PDS5B: variants seen among roughly 807,000 people sequenced by gnomAD.
PDS5B encodes PDS5 cohesin associated factor B, also known as sister chromatid cohesion protein PDS5 homolog B.
PDS5B carries 51 observed loss-of-function variants against 184.1 expected under a neutral mutation model. The ratio of observed to expected loss-of-function variants is 0.28; its 90% CI spans 0.22 to 0.35. The LOEUF (loss-of-function observed/expected upper bound fraction) is 0.35, where lower values mean the gene tolerates loss of function less well. PDS5B is among the 10% of genes least tolerant of loss of function. The pLI is 1.00. For synonymous variants in PDS5B, 566 were observed against 569.2 expected, an observed-to-expected ratio of 0.99 and a Z score of 0.08; for missense variants, 1,180 against 1,723.3, an observed-to-expected ratio of 0.68 and a Z score of 5.58.
chr13:32,640,981 CG>C (rs1032915396), intron 1 of PDS5B, among the ~76,000 whole-genome samples: 29 of 149,354 alleles, frequency 1.9e-4, no homozygotes, highest in African/African-American at 7.2e-4. Context: ...GGCGTGAACC[CG>C]GGAGGCGGAG....
intron 6 of PDS5B, among the ~76,000 whole-genome samples, chr13:32,662,844 G>A (rs1950684809): frequency 6.6e-6 from 1 of 152,062 alleles, no homozygotes; most frequent in Admixed American, 6.5e-5. Flanking sequence ...ATAAGCAAAT[G>A]CTTGGAAAGC....
chr13:32,753,158 T>G (rs1954047131), intron 24 of PDS5B, among the ~76,000 whole-genome samples, 174 bp from the exon 25 acceptor site: 1 of 152,198 alleles, frequency 6.6e-6, no homozygotes. Flanking sequence ...AGATGAATAT[T>G]GCAGCTTCAA....
chr13:32,711,309 A>G (rs1336704120), intron 19 of PDS5B, among the ~76,000 whole-genome samples: 2 of 150,730 alleles, frequency 1.3e-5, no homozygotes, highest in African/African-American at 4.9e-5. Flanking sequence ...TTAAATGGTA[A>G]TAGAAACCTA....
chr13:32,616,669 T>C (rs1161127376), intron 1 of PDS5B, among the ~76,000 whole-genome samples: 1 of 152,202 alleles, frequency 6.6e-6, no homozygotes, highest in Admixed American at 6.5e-5. Flanking sequence ...GGAACCATGC[T>C]GAAGCCTTCT....
intron 1 of PDS5B, among the ~76,000 whole-genome samples, chr13:32,590,604 TCTAG>T (rs1159835220): frequency 8.5e-5 from 13 of 152,346 alleles, no homozygotes; most frequent in Admixed American, 7.8e-4. Context: ...ATTGTCTTTC[TCTAG>T]AAGAGGATGG....
chr13:32,629,060 A>C (rs2140564451), intron 1 of PDS5B, among the ~76,000 whole-genome samples: 1 of 152,352 alleles, frequency 6.6e-6, no homozygotes, highest in East Asian at 1.9e-4. Context: ...CATCTGACAG[A>C]TCACCGGTTT....
At chr13:32,677,751 A>G (rs1951111752) in intron 9 of PDS5B, among the ~76,000 whole-genome samples, 1 of 151,878 alleles carries the variant, frequency 6.6e-6, no homozygotes, top group Non-Finnish European at 1.5e-5. Context: ...TTATAATGCT[A>G]ACTTTAGTTT....
In PDS5B at chr13:32,754,827, T is replaced by G. The variant is rs1267010509; in HGVS notation, c.2942-1015T>G. On this transcript the variant is annotated intron_variant, in intron 25 of 34. Coordinates refer to ENST00000315596, the MANE Select transcript of PDS5B (RefSeq NM_015032.4). ...CAGTATGTGTTAGCCATTCTTATTT[T>G]GGTGCACCTTTCACATTGAAGTGTA... 2.6e-5 allele frequency among the ~76,000 whole-genome samples: 4 copies of G among 152,202 alleles called. No homozygotes were observed. In the East Asian group the frequency reaches 7.7e-4, roughly 29 times the overall value.
chr13:32,688,665 A>G (rs761359754), intron 13 of PDS5B, 96 bp downstream of exon 13: 78 of 782,916 alleles, frequency 1.0e-4, no homozygotes, highest in Non-Finnish European at 1.6e-4. Flanking sequence ...TTAAAATGTA[A>G]TCTATGTAGT....
intron 28 of PDS5B, among the ~76,000 whole-genome samples, chr13:32,759,231 C>T (rs903582060): frequency 1.3e-5 from 2 of 149,372 alleles, no homozygotes; most frequent in Non-Finnish European, 2.9e-5. Context: ...GCTTTTAAAG[C>T]AAAATGCCAG....
chr13:32,661,438 CAA>C (rs1950646460), intron 6 of PDS5B, among the ~76,000 whole-genome samples: 1 of 138,854 alleles, frequency 7.2e-6, no homozygotes, highest in Admixed American at 7.1e-5. Context: ...AAATGACCAC[CAA>C]AATATAAACC....
At chr13:32,725,312 G>T (rs1952860200) in intron 19 of PDS5B, among the ~76,000 whole-genome samples, 1 of 152,062 alleles carries the variant, frequency 6.6e-6, no homozygotes, top group African/African-American at 2.4e-5. Flanking sequence ...AGTCAGTTAT[G>T]GTGATCACAT....
intron 9 of PDS5B, among the ~76,000 whole-genome samples, chr13:32,677,180 C>G (rs1566315051): frequency 6.6e-6 from 1 of 151,970 alleles, no homozygotes; most frequent in African/African-American, 2.4e-5. Context: ...TAATTACGTT[C>G]AGTCAGTCAA....
chr13:32,768,734 A>G (rs1255269553), intron 31 of PDS5B, among the ~76,000 whole-genome samples: 4 of 148,836 alleles, frequency 2.7e-5, no homozygotes, highest in Non-Finnish European at 5.9e-5. Flanking sequence ...CAGAGGTTGC[A>G]GTGAGCCAAG....
At chr13:32,698,094 T>G (rs1951759763) in intron 15 of PDS5B, among the ~76,000 whole-genome samples, 1 of 152,100 alleles carries the variant, frequency 6.6e-6, no homozygotes, top group African/African-American at 2.4e-5. Flanking sequence ...AGTTCAATAT[T>G]TCCCAGATTC....
Position 32,625,813 on chromosome 13 carries a change from CTG to C in PDS5B, c.-19-22938_-19-22937del, listed in dbSNP as rs144396871. The stretch of plus-strand genomic sequence containing the variant: ...GAAATGCATTGTCCTAGGTTTTAGT[CTG>C]TGAAGCAGCTGAGACCAGTATTCTT... On this transcript the variant is annotated intron_variant, in intron 1 of 34. Coordinates refer to ENST00000315596, the MANE Select transcript of PDS5B (RefSeq NM_015032.4). Among the ~76,000 whole-genome samples the C allele has an allele frequency of 8.5e-3, 1,238 of 146,406 alleles. 18 individuals are homozygous for C. Among genetic ancestry groups the C allele is most frequent in the African/African-American group, 0.03 (1,195 of 40,086 alleles).
intron 12 of PDS5B, 38 bp from the exon 13 acceptor site, chr13:32,688,417 GA>G (rs1409675815): frequency 3.8e-6 from 4 of 1,041,654 alleles, no homozygotes; most frequent in African/African-American, 1.6e-5. Flanking sequence ...TAGAACATTA[GA>G]AAAAAATCAA....
intron 15 of PDS5B, among the ~76,000 whole-genome samples, chr13:32,697,433 C>G (rs1951738340): frequency 6.6e-6 from 1 of 152,078 alleles, no homozygotes; most frequent in African/African-American, 2.4e-5. Flanking sequence ...ATCAGAAACA[C>G]CTGGAGGAAT....
At position 32,687,123 on chromosome 13, in the gene PDS5B, T is replaced by G; in HGVS notation, c.1204-11T>G. The stretch of plus-strand genomic sequence containing the variant: ...CTTTTTACATTATAAATAAAACTTT[T>G]TGTTTTTAAGTGGAGAGTACGCAAA... On this transcript the variant is annotated splice_polypyrimidine_tract_variant and intron_variant, in intron 11 of 34. Transcript: ENST00000315596. 6.3e-7 allele frequency: 1 copy of G among 1,578,578 alleles called. No individual in the cohort carries two copies. Among genetic ancestry groups the G allele is most frequent in the Non-Finnish European group, 8.6e-7 (1 of 1,167,720 alleles).
Sources: gnomAD v4.1 joint callset for allele counts (sites outside exome capture counted in the v4.1 genomes callset) on GRCh38, gnomAD v4.1.1 for gene constraint, MANE v1.5 for transcripts, NCBI Gene and HGNC (gene_info 2026-07-23, HGNC 2026-07-21) for gene names.